Variants in MAST2 observed in about 807,000 individuals in gnomAD.
MAST2 encodes microtubule-associated serine/threonine-protein kinase 2.
Under a neutral mutation model 147.4 loss-of-function variants are expected in MAST2, and 70 were observed. The observed-to-expected ratio is 0.47, with a 90% CI of 0.39 to 0.58. The LOEUF (loss-of-function observed/expected upper bound fraction) is 0.58, where lower values mean the gene tolerates loss of function less well. MAST2 is among the 20% of genes least tolerant of loss of function. MAST2 has a pLI of 0.00. For missense variants in MAST2, 2,080 were observed against 2,302.3 expected (o/e 0.90, Z 1.98); for synonymous variants, 869 against 896.8 (o/e 0.97, Z 0.55).
chr1:45,846,683 G>A (rs763840007), intron 3 of MAST2, among the ~76,000 whole-genome samples: 7 of 151,936 alleles, frequency 4.6e-5, no homozygotes, highest in Admixed American at 1.3e-4. Flanking sequence ...AAATTAGCTG[G>A]GCGTGGTGGC....
At chr1:45,903,224 G>A (rs2148502703) in intron 4 of MAST2, among the ~76,000 whole-genome samples, 1 of 134,090 alleles carries the variant, frequency 7.5e-6, no homozygotes, top group East Asian at 2.3e-4. Context: ...CTGCCTCCCA[G>A]GCTCAAGCAA....
At chr1:45,881,565 G>A (rs1045744267) in intron 3 of MAST2, among the ~76,000 whole-genome samples, 7 of 152,186 alleles carry the variant, frequency 4.6e-5, no homozygotes, top group South Asian at 2.1e-4. Flanking sequence ...AGCTGTTATC[G>A]TAAAGGTTAT....
At chr1:45,837,147 A>G (rs1645127204) in intron 3 of MAST2, among the ~76,000 whole-genome samples, 1 of 151,804 alleles carries the variant, frequency 6.6e-6, no homozygotes. Context: ...TGGACCTGGT[A>G]TAGAATATAT....
intron 5 of MAST2, among the ~76,000 whole-genome samples, chr1:45,976,037 C>T (rs1644140452): frequency 6.6e-6 from 1 of 150,758 alleles, no homozygotes; most frequent in Non-Finnish European, 1.5e-5. Context: ...TGCAGTGGTG[C>T]AATTTCGGCT....
At chr1:45,855,823 C>T (rs1645771072) in intron 3 of MAST2, among the ~76,000 whole-genome samples, 1 of 151,916 alleles carries the variant, frequency 6.6e-6, no homozygotes, top group African/African-American at 2.4e-5. Context: ...CTATATATTC[C>T]TTTTCTATCA....
At chr1:45,967,298 GA>G (rs781190874) in intron 5 of MAST2, among the ~76,000 whole-genome samples, 3 of 152,060 alleles carry the variant, frequency 2.0e-5, no homozygotes, top group Non-Finnish European at 4.4e-5. Flanking sequence ...TTGAACTCCT[GA>G]CCACAAGTGA....
At chr1:45,901,624 G>C (rs138952892) in intron 4 of MAST2, among the ~76,000 whole-genome samples, 64 of 152,230 alleles carry the variant, frequency 4.2e-4, no homozygotes, top group African/African-American at 1.5e-3. Context: ...ATCATAGGAT[G>C]TTTTTCCATT....
intron 4 of MAST2, among the ~76,000 whole-genome samples, chr1:45,939,738 C>T (rs1656892663): frequency 6.6e-6 from 1 of 152,130 alleles, no homozygotes; most frequent in African/African-American, 2.4e-5. Flanking sequence ...AACGGAGTTT[C>T]ACCATGTTGG....
At chr1:45,906,233 A>G (rs1347852883) in intron 4 of MAST2, among the ~76,000 whole-genome samples, 1 of 152,216 alleles carries the variant, frequency 6.6e-6, no homozygotes, top group Non-Finnish European at 1.5e-5. Context: ...GTTTTGGTCA[A>G]CAACAGACTG....
Position 46,032,711 on chromosome 1 carries a change from T to C in MAST2, c.3530T>C (p.Ile1177Thr), listed in dbSNP as rs1416048897. ...GTGCACACGGAGGTGGTAGAGCTGA[T>C]CCTGAAGGTTAGTGCTGGGCGTGCT... ...GLVHTEVVEL[I>T]LKSGNKVAIS... The change falls in exon 26 of 29, where the codon ATC becomes ACC. Residue 1177 changes from isoleucine to threonine, a missense_variant. By Grantham distance (89) the Ile-to-Thr change is moderately conservative (BLOSUM62 -1). This residue lies in a region of MAST2 where 1,278 missense variants were observed against 1,304.2 expected (regional missense o/e 0.98). Coordinates refer to ENST00000361297, the MANE Select transcript of MAST2 (RefSeq NM_015112.3). 6.2e-7 allele frequency: 1 copy of C among 1,613,138 alleles called. No individual in the cohort carries two copies. The highest frequency in any genetic ancestry group is 8.5e-7 in the Non-Finnish European group (1 of 1,179,366).
intron 4 of MAST2, among the ~76,000 whole-genome samples, chr1:45,929,143 A>C (rs1457902125): frequency 5.9e-5 from 9 of 152,076 alleles, no homozygotes; most frequent in Non-Finnish European, 1.3e-4. Flanking sequence ...TTTTCTTAGG[A>C]GTTTGCAAAA....
At chr1:45,807,465 CT>C (rs1463940956) in intron 1 of MAST2, among the ~76,000 whole-genome samples, 1 of 151,976 alleles carries the variant, frequency 6.6e-6, no homozygotes, top group East Asian at 1.9e-4. Context: ...GGTGTGACCT[CT>C]TTCCTTAGCT....
chr1:45,915,114 T>G (rs1406198114), intron 4 of MAST2, among the ~76,000 whole-genome samples: 1 of 152,138 alleles, frequency 6.6e-6, no homozygotes, highest in African/African-American at 2.4e-5. Context: ...AATTTTTTTG[T>G]AGAAATAAGG....
chr1:45,863,841 A>G (rs142582914), intron 3 of MAST2, among the ~76,000 whole-genome samples: 1,773 of 152,298 alleles, frequency 0.012, 21 homozygotes, highest in Non-Finnish European at 0.016. Flanking sequence ...TTATTGTAGC[A>G]TGTCTTATAG....
In MAST2 at chr1:45,929,809, T is replaced by G. The variant is rs915887776; in HGVS notation, c.501-29577T>G. ...GTGTGTGTAAATAGATGGATTTTTT[T>G]TTTTGGAGGGCTATCTTCAGGATAA... On this transcript the variant is annotated intron_variant, in intron 4 of 28. Transcript: ENST00000361297. 3.3e-5 allele frequency among the ~76,000 whole-genome samples: 5 copies of G among 152,320 alleles called. No individual in the cohort carries two copies. In the Middle Eastern group the frequency reaches 0.017, roughly 518 times the overall value.
intron 5 of MAST2, among the ~76,000 whole-genome samples, chr1:45,983,342 TA>T (rs1644486197): frequency 1.3e-5 from 2 of 152,336 alleles, no homozygotes; most frequent in African/African-American, 4.8e-5. Flanking sequence ...GTCTTTGACT[TA>T]GAAGGTGTTG....
chr1:46,031,267 G>C lies in MAST2; in HGVS notation c.2969G>C (p.Gly990Ala). ...CCAAAGCTGGATGAGGAAGCTGTTG[G>C]CCGGAGCAGTGGTTCCAGTCCAGGT... is the stretch of plus-strand genomic sequence containing the variant. ...QRPKLDEEAV[G>A]RSSGSSPAME... Residue 990 changes from glycine (G) to alanine (A), a missense_variant, in exon 23 of 29, where the codon GGC (glycine) becomes GCC (alanine). Gly to Ala is a moderately conservative substitution (Grantham distance 60). This residue lies in a region of MAST2 where 1,278 missense variants were observed against 1,304.2 expected (regional missense o/e 0.98). Transcript: ENST00000361297. This position sits in a 1 kb window ranked among gnomAD's most constrained non-coding sequence, Gnocchi z 4.1. 6.5e-7 allele frequency: 1 copy of C among 1,536,650 alleles called. No homozygotes were observed. Among genetic ancestry groups the C allele is most frequent in the Non-Finnish European group, 8.8e-7 (1 of 1,138,448 alleles).
intron 3 of MAST2, among the ~76,000 whole-genome samples, chr1:45,844,504 A>G (rs746395641): frequency 2.1e-4 from 32 of 152,038 alleles, no homozygotes; most frequent in Non-Finnish European, 3.7e-4. Flanking sequence ...GGCTGGTCCC[A>G]AACTCCTGGC....
intron 15 of MAST2, among the ~76,000 whole-genome samples, chr1:46,025,180 G>A (rs1646351265): frequency 6.6e-6 from 1 of 152,150 alleles, no homozygotes; most frequent in African/African-American, 2.4e-5. Flanking sequence ...TTAGCTGGGT[G>A]TGGTGGTGCA....
Sources: gnomAD v4.1 joint callset for allele counts (sites outside exome capture counted in the v4.1 genomes callset) on GRCh38, gnomAD v4.1.1 for gene constraint, gnomAD v4.1.1 regional missense constraint, Gnocchi (gnomAD v3.1) non-coding constraint, MANE v1.5 for transcripts, NCBI Gene and HGNC (gene_info 2026-07-23, HGNC 2026-07-21) for gene names.